DMBT1: variants seen among roughly 807,000 people sequenced by gnomAD.
DMBT1 encodes the protein scavenger receptor cysteine-rich domain-containing protein DMBT1.
In DMBT1, 198 loss-of-function variants were observed where a neutral mutation model predicts 252.9. The observed-to-expected ratio is 0.78, with a 90% CI of 0.70 to 0.88. DMBT1 has a LOEUF of 0.88. Ranked by LOEUF, DMBT1 falls within the 40% of genes least tolerant of loss-of-function variation. The pLI is 0.00. For missense variants in DMBT1, 2,432 were observed against 2,404.7 expected, an observed-to-expected ratio of 1.01 and a Z score of -0.24; for synonymous variants, 990 against 942.7, an observed-to-expected ratio of 1.05 and a Z score of -0.92.
intron 43 of DMBT1, among the ~76,000 whole-genome samples, chr10:122,620,619 G>A (rs1308754960): frequency 2.6e-5 from 4 of 152,230 alleles, no homozygotes; most frequent in African/African-American, 9.6e-5. Context: ...CCTGCGAATA[G>A]TGGGGAAAGT....
rs926003865 is a variant in DMBT1 at position 122,577,702 on chromosome 10, G to T, written c.608-109G>T. ...CACTGGCAGGGCCCACTTGGTGGGC[G>T]TGTGATGGGCATCAGCTCAGGGTGT... On this transcript the variant is annotated intron_variant, in intron 7 of 55. Transcript: ENST00000338354. 10 of 1,287,812 alleles carry T rather than the reference G, an allele frequency of 7.8e-6. No individual in the cohort carries two copies. The Admixed American group carries it at 1.2e-4, about 15-fold the overall frequency. The allele number at this position is 1,287,812 out of a possible 1,614,324, so 79.8% of individuals were successfully genotyped here.
chr10:122,600,430 G>C (rs2097937518), intron 27 of DMBT1, among the ~76,000 whole-genome samples: 1 of 152,210 alleles, frequency 6.6e-6, no homozygotes, highest in African/African-American at 2.4e-5. Context: ...TCTGAAAATT[G>C]TGAGTGTCAC....
intron 44 of DMBT1, among the ~76,000 whole-genome samples, chr10:122,621,971 C>T (rs2098074442): frequency 6.6e-6 from 1 of 152,166 alleles, no homozygotes; most frequent in Non-Finnish European, 1.5e-5. Flanking sequence ...ATGAGATCTG[C>T]CAGGCAAAGC....
At position 122,573,763 on chromosome 10, in the gene DMBT1, G is replaced by A. The variant is rs1242175579; in HGVS notation, c.283+1G>A. The stretch of plus-strand genomic sequence containing the variant: ...ACCCTGGAGTCAACTGTAGCAGAAG[G>A]TAACGTCTACTATGGGGGATCCCTG... On this transcript the variant is annotated splice_donor_variant, in intron 6 of 55. Transcript: ENST00000338354. LOFTEE classifies it high-confidence loss of function. 3 of 1,613,720 alleles carry A rather than the reference G, an allele frequency of 1.9e-6. No homozygotes were observed. The highest frequency in any genetic ancestry group is 2.2e-5 in the East Asian group (1 of 44,864).
rs1223475524 is a variant in DMBT1 at position 122,592,121 on chromosome 10, G to A, written c.2177-151G>A. On this transcript the variant is annotated intron_variant, in intron 19 of 55. Coordinates refer to ENST00000338354, the MANE Select transcript of DMBT1 (RefSeq NM_001377530.1). ...AGGGTATCACCTCTCCTTCCAGTAT[G>A]ATGAAGCTGAACCTCTGGTTGCAGT... The A allele has an allele frequency of 3.4e-5, 46 of 1,349,058 alleles. 9 individuals are homozygous for A. In the East Asian group the frequency reaches 1.1e-3, roughly 33 times the overall value. 83.6% of individuals were successfully genotyped at this position (1,349,058 alleles called of 1,614,324 possible).
In DMBT1 at chr10:122,633,205, G is replaced by A. The variant is rs553177521; in HGVS notation, c.6412G>A (p.Gly2138Arg). The A allele has an allele frequency of 1.2e-4, 190 of 1,613,938 alleles. No homozygotes were observed. Among genetic ancestry groups the A allele is most frequent in the African/African-American group, 2.1e-4 (16 of 75,044 alleles). The change falls in exon 52 of 56, where the codon GGA becomes AGA. Residue 2138 changes from glycine to arginine, a missense_variant. Physicochemically the swap from Gly to Arg is moderately radical, Grantham distance 125. This residue lies in a region of DMBT1 where 1,162 missense variants were observed against 1,169.0 expected (regional missense o/e 0.99). Coordinates refer to ENST00000338354, the MANE Select transcript of DMBT1 (RefSeq NM_001377530.1). The stretch of plus-strand genomic sequence containing the variant: ...TGTCCTGACAGCAGATTATTCCTGC[G>A]GAGGCTTCCTATCCCAACCATCAGG... Reference protein sequence around the residue: ...ITRPNTDYSCGGFLSQPSGDF... With the variant: ...ITRPNTDYSCRGFLSQPSGDF...
intron 1 of DMBT1, 33 bp downstream of exon 1, chr10:122,560,864 C>A: frequency 2.6e-6 from 4 of 1,512,604 alleles, no homozygotes; most frequent in Non-Finnish European, 3.6e-6. Flanking sequence ...TCATTAATTT[C>A]TCTCCTGCAG....
At chr10:122,561,582 C>CTCTCTA (rs144834746) in intron 1 of DMBT1, among the ~76,000 whole-genome samples, 4,279 of 147,572 alleles carry the variant, frequency 0.029, 226 homozygotes, top group South Asian at 0.2. Flanking sequence ...CTCTCTCTCT[C>CTCTCTA]TCTTTCTCTC....
At chr10:122,617,943 C>G (rs1252278016) in intron 40 of DMBT1, 74 bp from the exon 41 acceptor site, 3 of 1,594,138 alleles carry the variant, frequency 1.9e-6, no homozygotes, top group Non-Finnish European at 2.6e-6. Flanking sequence ...AGGAAGTACC[C>G]TGAGTGTGGA....
At chr10:122,624,625 C>T (rs558449451) in intron 44 of DMBT1, among the ~76,000 whole-genome samples, 5 of 152,254 alleles carry the variant, frequency 3.3e-5, no homozygotes, top group East Asian at 1.9e-4. Context: ...CCTGGGGCAC[C>T]GTGTATGATG....
intron 16 of DMBT1, among the ~76,000 whole-genome samples, chr10:122,588,349 C>A (rs2097811365): frequency 6.8e-6 from 1 of 147,216 alleles, no homozygotes; most frequent in African/African-American, 2.4e-5. Context: ...GTAGAGGGGG[C>A]TGGTGACCTG....
chr10:122,630,220 A>G, intron 47 of DMBT1, 68 bp from the exon 48 acceptor site: 2 of 1,530,874 alleles, frequency 1.3e-6, no homozygotes, highest in Admixed American at 3.4e-5. Context: ...CGTAAAGTGC[A>G]AACTATTTAT....
At chr10:122,621,508 G>T in intron 44 of DMBT1, 128 bp downstream of exon 44, 2 of 1,473,106 alleles carry the variant, frequency 1.4e-6, no homozygotes, top group East Asian at 4.7e-5. Context: ...AGACTTGTTA[G>T]CTCTCTGCTA....
Position 122,561,569 on chromosome 10 carries a change from CCT to C in DMBT1, c.61+753_61+754del, listed in dbSNP as rs111541582. ...TTGTCTCTCTCTTCCTGTCTCTCTG[CCT>C]CTCTCTCTCTCTCTTTCTCTCTTAT... On this transcript the variant is annotated intron_variant, in intron 1 of 55. Transcript: ENST00000338354. 9.2e-3 allele frequency among the ~76,000 whole-genome samples: 831 copies of C among 90,332 alleles called. 44 individuals are homozygous for C. In the East Asian group the frequency reaches 0.27, roughly 29 times the overall value. 59.3% of individuals were successfully genotyped at this position (90,332 alleles called of 152,430 possible).
At chr10:122,633,096 A>G in intron 51 of DMBT1, 95 bp from the exon 52 acceptor site, 1 of 1,513,818 alleles carries the variant, frequency 6.6e-7, no homozygotes, top group Non-Finnish European at 8.8e-7. Flanking sequence ...ATTATTTTAT[A>G]AAATTTTAAA....
chr10:122,628,460 A>G (rs2098134287), intron 46 of DMBT1, among the ~76,000 whole-genome samples: 1 of 152,002 alleles, frequency 6.6e-6, no homozygotes, highest in Non-Finnish European at 1.5e-5. Context: ...ACGTGGTGAA[A>G]CCCTGTCTCT....
At position 122,578,772 on chromosome 10, in the gene DMBT1, C is replaced by T. The variant is rs749472994; in HGVS notation, c.679+13C>T. ...GTACCCACAGAAGGTAAAGAATCCT[C>T]TCAACACTCCCTGGGGCTCACTTTC... is the stretch of plus-strand genomic sequence containing the variant. On this transcript the variant is annotated intron_variant, in intron 9 of 55. Transcript: ENST00000338354. 2 of 1,602,664 alleles carry T rather than the reference C, an allele frequency of 1.2e-6. No homozygotes were observed. The highest frequency in any genetic ancestry group is 3.4e-5 in the Admixed American group (2 of 58,916).
chr10:122,640,228 C>T lies in DMBT1; in HGVS notation c.7131C>T (p.Val2377=), dbSNP rs1212721538. 1 of 1,614,040 alleles carries T rather than the reference C, an allele frequency of 6.2e-7. No individual in the cohort carries two copies. The highest frequency in any genetic ancestry group is 1.1e-5 in the South Asian group (1 of 91,076). ...VANNTIQVEE[V]QYGNFDVNIS... is the part of the protein sequence containing the mutation. ...ATAACACCATCCAGGTCGAGGAAGT[C>T]CAGTATGGCAATTTTGACGTGAACA... Residue 2377 remains valine (V), a synonymous_variant, in exon 55 of 56, where the codon GTC becomes GTT. Transcript: ENST00000338354.
At position 122,579,567 on chromosome 10, in the gene DMBT1, T is replaced by A. The variant is rs3927390; in HGVS notation, c.680-11T>A. 675 of 1,612,356 alleles carry A rather than the reference T, an allele frequency of 4.2e-4. 11 individuals carry two copies. In the South Asian group the frequency reaches 6.8e-3, roughly 16 times the overall value. On this transcript the variant is annotated splice_polypyrimidine_tract_variant and intron_variant, in intron 9 of 55. Transcript: ENST00000338354. ...TAGGGATGGATGAAGGGTTCTTGTG[T>A]TCCCCTGTAGGATCTGAATCCAGTT...
Sources: gnomAD v4.1 joint callset for allele counts (sites outside exome capture counted in the v4.1 genomes callset) on GRCh38, gnomAD v4.1.1 for gene constraint, gnomAD v4.1.1 regional missense constraint, MANE v1.5 for transcripts, NCBI Gene and HGNC (gene_info 2026-07-23, HGNC 2026-07-21) for gene names.